Variants in ABCB4 observed in about 807,000 individuals in gnomAD.
The protein encoded by ABCB4 is phosphatidylcholine translocator ABCB4.
ABCB4 carries 76 observed loss-of-function variants against 145.7 expected under a neutral mutation model. The ratio of observed to expected loss-of-function variants is 0.52; its 90% confidence interval spans 0.43 to 0.63. The LOEUF (loss-of-function observed/expected upper bound fraction) is 0.63. Among genes scored for constraint, ABCB4 ranks in the 30% least tolerant of loss-of-function variants. The pLI is 0.00. For synonymous variants in ABCB4, 517 were observed against 566.8 expected (o/e 0.91, Z 1.25); for missense variants, 1,234 against 1,553.1 (o/e 0.79, Z 3.45).
chr7:87,406,245 A>C lies in ABCB4; in HGVS notation c.3486+43T>G, dbSNP rs773850809. On this transcript the variant is annotated intron_variant, in intron 26 of 27. Coordinates refer to ENST00000649586, the MANE Select transcript of ABCB4 (RefSeq NM_000443.4). ...CATAACTTTGGTAATTGTTTGGGGG[A>C]TAAAAAGTAGTCTCTTCTGATTTCA... 4 of 1,585,874 alleles carry C rather than the reference A, an allele frequency of 2.5e-6. No individual in the cohort carries two copies. The Admixed American group carries it at 6.7e-5, about 26-fold the overall frequency.
rs750495741 is a variant in ABCB4 at position 87,447,190 on chromosome 7, T to C, written c.849A>G (p.Leu283=). The part of the protein sequence containing the change: ...NKELERYQKH[L]ENAKEIGIKK... Reference sequence around the variant, plus strand: ...TAATTCCAATCTCTTTGGCATTTTCTAAATGTTTCTGATACCTACCAGAAA... The same window carrying C: ...TAATTCCAATCTCTTTGGCATTTTCCAAATGTTTCTGATACCTACCAGAAA... The change falls in exon 9 of 28, where the codon TTA becomes TTG. Residue 283 remains leucine, a synonymous_variant. Coordinates refer to ENST00000649586, the MANE Select transcript of ABCB4 (RefSeq NM_000443.4). 9 of 1,613,632 alleles carry C rather than the reference T, an allele frequency of 5.6e-6. No individual in the cohort carries two copies. In the Admixed American group the frequency reaches 1.3e-4, roughly 24 times the overall value.
the ABCB4 span, among the ~76,000 whole-genome samples, chr7:87,377,037 A>G: frequency 6.6e-6 from 1 of 152,098 alleles, no homozygotes; most frequent in Non-Finnish European, 1.5e-5. Context: ...CTTTTATCCT[A>G]TTCAAGTTAC....
chr7:87,431,649 T>C, intron 14 of ABCB4, 84 bp from the exon 15 acceptor site: 12 of 1,537,508 alleles, frequency 7.8e-6, no homozygotes, highest in Non-Finnish European at 1.1e-5. Context: ...CTTGGATGAA[T>C]GCTGTTTGTA....
the ABCB4 span, chr7:87,393,040 G>C: frequency 3.7e-6 from 6 of 1,613,420 alleles, no homozygotes; most frequent in Non-Finnish European, 4.2e-6. Context: ...AATGGTTATG[G>C]ATTTTTCTAC....
chr7:87,433,406 T>C (rs1328996345), intron 14 of ABCB4, among the ~76,000 whole-genome samples: 1 of 152,154 alleles, frequency 6.6e-6, no homozygotes, highest in African/African-American at 2.4e-5. Context: ...TAATAAGGCA[T>C]ATACAAAATA....
In ABCB4 at chr7:87,409,218, A is replaced by C. The variant is rs1244431725; in HGVS notation, c.3081+18T>G. The C allele has an allele frequency of 6.2e-7, 1 of 1,613,918 alleles. No homozygotes were observed. Among genetic ancestry groups the C allele is most frequent in the South Asian group, 1.1e-5 (1 of 91,086 alleles). ...AGGGAAAAATTGATCAAGCATCATC[A>C]GGCATCAGAGAACTTACAGGCTTCA... On this transcript the variant is annotated intron_variant, in intron 24 of 27. Transcript: ENST00000649586.
chr7:87,463,610 A>G (rs1812616103), intron 3 of ABCB4, among the ~76,000 whole-genome samples: 1 of 152,232 alleles, frequency 6.6e-6, no homozygotes, highest in African/African-American at 2.4e-5. Context: ...TAGGCTTAGA[A>G]TAAGAAGGTA....
the ABCB4 span, chr7:87,369,651 T>A: frequency 9.9e-6 from 3 of 303,572 alleles, no homozygotes; most frequent in African/African-American, 6.6e-5. Flanking sequence ...AAATTATTTT[T>A]AAATTTTACT....
chr7:87,445,684 T>C (rs1811298772), intron 9 of ABCB4, among the ~76,000 whole-genome samples: 1 of 152,210 alleles, frequency 6.6e-6, no homozygotes, highest in African/African-American at 2.4e-5. Flanking sequence ...CTACATATAA[T>C]TTGGCTTTTC....
the ABCB4 span, among the ~76,000 whole-genome samples, chr7:87,390,984 G>T: frequency 6.6e-6 from 1 of 152,176 alleles, no homozygotes; most frequent in African/African-American, 2.4e-5. Flanking sequence ...GGTTTTTCAT[G>T]AGGTTGTAGT....
chr7:87,466,832 T>C (rs979057656), intron 3 of ABCB4, among the ~76,000 whole-genome samples: 1 of 151,668 alleles, frequency 6.6e-6, no homozygotes, highest in Non-Finnish European at 1.5e-5. Flanking sequence ...TAAAATACTT[T>C]ACAGACAAGC....
Position 87,422,136 on chromosome 7 carries a change from A to T in ABCB4, c.2301T>A (p.Phe767Leu). ...IFLFLGIISF[F>L]TFFLQGFTFG... Reference sequence around the variant, plus strand: ...GGGTACCTACCTGAAGGAAGAAAGTAAAAAAAGAAATAATTCCCAGAAATA... The same window carrying T: ...GGGTACCTACCTGAAGGAAGAAAGTTAAAAAAGAAATAATTCCCAGAAATA... The change falls in exon 18 of 28, where the codon TTT becomes TTA. Residue 767 changes from phenylalanine (F) to leucine (L), a missense_variant. Transcript: ENST00000649586. 6.2e-7 allele frequency: 1 copy of T among 1,609,934 alleles called. No homozygotes were observed. Among genetic ancestry groups the T allele is most frequent in the Non-Finnish European group, 8.5e-7 (1 of 1,176,846 alleles).
In ABCB4 at chr7:87,450,002, T is replaced by C. The variant is rs763864426; in HGVS notation, c.799A>G (p.Ile267Val). The C allele has an allele frequency of 6.2e-7, 1 of 1,614,156 alleles. No individual in the cohort carries two copies. The highest frequency in any genetic ancestry group is 1.7e-5 in the Admixed American group (1 of 60,010). The change falls in exon 8 of 28, where the codon ATA becomes GTA. Residue 267 changes from isoleucine (I) to valine (V), a missense_variant. Physicochemically the swap from Ile to Val is conservative, Grantham distance 29. Around this residue, in one of 7 missense-constraint regions of ABCB4, gnomAD observed 467 missense variants for 632.8 expected, o/e 0.74. Coordinates refer to ENST00000649586, the MANE Select transcript of ABCB4 (RefSeq NM_000443.4). Reference sequence around the variant, plus strand: ...TCTTTGTTCTGGCCCCCGAAAGCTATCACAGTCCTGATGGCCCCCAGAGCC... The same window carrying C: ...TCTTTGTTCTGGCCCCCGAAAGCTACCACAGTCCTGATGGCCCCCAGAGCC... The part of the protein sequence containing the change: ...EEALGAIRTV[I>V]AFGGQNKELE...
intron 4 of ABCB4, among the ~76,000 whole-genome samples, chr7:87,461,127 T>C (rs1025942516): frequency 2.6e-5 from 4 of 152,124 alleles, no homozygotes; most frequent in Non-Finnish European, 5.9e-5. Flanking sequence ...GTATTTTTAG[T>C]AGAGATGGGG....
intron 14 of ABCB4, 38 bp downstream of exon 14, chr7:87,439,629 C>T (rs1425340545): frequency 1.9e-6 from 3 of 1,612,742 alleles, no homozygotes; most frequent in South Asian, 1.1e-5. Context: ...CAATAGGTTT[C>T]AATGTGGTGG....
rs1807808030 is a variant in ABCB4 at position 87,401,910 on chromosome 7, C to T, written c.*186G>A. ...CTGTTGTTTCAATACTTCATCAAGA[C>T]AGGTGTCACTTCTAACTCTCAAATT... is the stretch of plus-strand genomic sequence containing the variant. On this transcript the variant is annotated 3_prime_UTR_variant, in exon 28 of 28. Coordinates refer to ENST00000649586, the MANE Select transcript of ABCB4 (RefSeq NM_000443.4). The T allele has an allele frequency of 1.3e-6, 1 of 777,500 alleles. No homozygotes were observed. The highest frequency in any genetic ancestry group is 2.2e-6 in the Non-Finnish European group (1 of 455,948). The allele number at this position is 777,500 out of a possible 1,614,324, so 48.2% of individuals were successfully genotyped here. A position where few individuals can be genotyped will look rare whatever the true frequency, so the allele number is the denominator to read the frequency against.
chr7:87,475,528 C>G (rs546742784), intron 1 of ABCB4, 57 bp from the exon 2 acceptor site: 33 of 1,568,924 alleles, frequency 2.1e-5, no homozygotes, highest in Non-Finnish European at 2.8e-5. Flanking sequence ...GCCCGGCGCA[C>G]GAGTCGCGGG....
rs984615719 is a variant in ABCB4, at chr7:87,433,669, G to T, written c.1732-2104C>A. ...AAGTAGAGCTTTGACACAAAAAATT[G>T]TTGTTGTTTTTTTTTTTTTTTTTTT... is the stretch of plus-strand genomic sequence containing the variant. On this transcript the variant is annotated intron_variant, in intron 14 of 27. Coordinates refer to ENST00000649586, the MANE Select transcript of ABCB4 (RefSeq NM_000443.4). Among the ~76,000 whole-genome samples the T allele has an allele frequency of 2.3e-4, 28 of 124,012 alleles. 1 individual carries two copies. The highest frequency in any genetic ancestry group is 5.0e-4 in the South Asian group (2 of 4,040). The allele number at this position is 124,012 out of a possible 152,430, so 81.4% of individuals were successfully genotyped here.
At chr7:87,457,400 A>G (rs1318751132) in intron 4 of ABCB4, among the ~76,000 whole-genome samples, 1 of 152,086 alleles carries the variant, frequency 6.6e-6, no homozygotes, top group Non-Finnish European at 1.5e-5. Flanking sequence ...ACAGAGCAAG[A>G]CCCTGTCTCA....
Sources: gnomAD v4.1 joint callset for allele counts (sites outside exome capture counted in the v4.1 genomes callset) on GRCh38, gnomAD v4.1.1 for gene constraint, gnomAD v4.1.1 regional missense constraint, MANE v1.5 for transcripts, NCBI Gene and HGNC (gene_info 2026-07-23, HGNC 2026-07-21) for gene names.